Variants in ELAPOR2 observed in about 807,000 individuals in gnomAD.
ELAPOR2 encodes the protein endosome-lysosome associated apoptosis and autophagy regulator family member 2.
Under a neutral mutation model 120.7 loss-of-function variants are expected in ELAPOR2, and 89 were observed. The ratio of observed to expected loss-of-function variants is 0.74; its 90% confidence interval spans 0.62 to 0.88. The LOEUF (loss-of-function observed/expected upper bound fraction) is 0.88. ELAPOR2 is among the 40% of genes least tolerant of loss of function. ELAPOR2 has a pLI of 0.00. For missense variants in ELAPOR2, 1,134 were observed against 1,251.6 expected, an observed-to-expected ratio of 0.91 and a Z score of 1.42; for synonymous variants, 444 against 444.9, an observed-to-expected ratio of 1.00 and a Z score of 0.03.
intron 21 of ELAPOR2, among the ~76,000 whole-genome samples, chr7:86,881,750 C>CT (rs1799417332): frequency 6.6e-6 from 1 of 152,044 alleles, no homozygotes; most frequent in African/African-American, 2.4e-5. Context: ...TTTCTGAAGG[C>CT]TGCTGGAATG....
At chr7:87,001,476 T>C (rs1583976157) in intron 1 of ELAPOR2, among the ~76,000 whole-genome samples, 2 of 152,300 alleles carry the variant, frequency 1.3e-5, no homozygotes, top group Middle Eastern at 3.4e-3. Flanking sequence ...GCTCAGTTTC[T>C]GGCTGGAGAA....
intron 12 of ELAPOR2, among the ~76,000 whole-genome samples, chr7:86,915,267 AT>A (rs1475640767): frequency 6.6e-6 from 1 of 152,178 alleles, no homozygotes; most frequent in Non-Finnish European, 1.5e-5. Context: ...CAAATTTTTT[AT>A]CTTTTTCCTT....
chr7:86,894,253 T>C (rs1454197930), intron 19 of ELAPOR2, among the ~76,000 whole-genome samples: 2 of 152,120 alleles, frequency 1.3e-5, no homozygotes, highest in East Asian at 3.9e-4. Flanking sequence ...ACGTGTTTCC[T>C]AAACTTAGTG....
intron 1 of ELAPOR2, among the ~76,000 whole-genome samples, chr7:87,035,538 T>C (rs1480770419): frequency 3.3e-5 from 5 of 152,196 alleles, no homozygotes; most frequent in African/African-American, 1.2e-4. Flanking sequence ...TTTGGTTAGT[T>C]TCCCGTGACG....
intron 13 of ELAPOR2, among the ~76,000 whole-genome samples, chr7:86,913,715 T>C (rs966291863): frequency 1.3e-5 from 2 of 152,190 alleles, no homozygotes; most frequent in African/African-American, 4.8e-5. Flanking sequence ...CATTGAGTCT[T>C]CCTTTCCTTC....
In ELAPOR2 at chr7:86,919,447, T is replaced by C. The variant is rs1008827672; in HGVS notation, c.1400-137A>G. ...AGAAATGCTACAAATGAATTCCCTA[T>C]TTTTAATCACAGTCGCAAATTTCAT... On this transcript the variant is annotated intron_variant, in intron 10 of 21. Transcript: ENST00000450689. 5.4e-5 allele frequency: 28 copies of C among 523,220 alleles called. No individual in the cohort carries two copies. The Admixed American group carries it at 1.1e-3, about 20-fold the overall frequency. The allele number at this position is 523,220 out of a possible 1,614,324, so 32.4% of individuals were successfully genotyped here. A position where few individuals can be genotyped will look rare whatever the true frequency, so the allele number is the denominator to read the frequency against.
In ELAPOR2 at chr7:86,899,677, C is replaced by G. The variant is rs1420200431; in HGVS notation, c.2559-2045G>C. Among the ~76,000 whole-genome samples, 13 of 152,184 alleles carry G rather than the reference C, an allele frequency of 8.5e-5. No individual in the cohort carries two copies. The East Asian group carries it at 1.5e-3, about 18-fold the overall frequency. ...TAAAAATTGACTGCATTTTTACATG[C>G]CTATCTTTCCAAAGTGTCTGTAGAC... On this transcript the variant is annotated intron_variant, in intron 18 of 21. Coordinates refer to ENST00000450689, the MANE Select transcript of ELAPOR2 (RefSeq NM_001142749.3).
At chr7:87,039,184 A>T (rs1187986006) in intron 1 of ELAPOR2, among the ~76,000 whole-genome samples, 1 of 152,124 alleles carries the variant, frequency 6.6e-6, no homozygotes, top group Admixed American at 6.5e-5. Context: ...TAATTCCTAG[A>T]CTCATACAAC....
chr7:86,897,265 A>C (rs986804776), intron 19 of ELAPOR2, among the ~76,000 whole-genome samples: 1 of 152,118 alleles, frequency 6.6e-6, no homozygotes, highest in Non-Finnish European at 1.5e-5. Context: ...CATATAATCC[A>C]GGTAAATACT....
chr7:87,047,709 C>T (rs541178144), intron 1 of ELAPOR2, among the ~76,000 whole-genome samples: 9 of 152,288 alleles, frequency 5.9e-5, no homozygotes, highest in African/African-American at 2.2e-4. Flanking sequence ...GGGAGTACTT[C>T]TACACTGTTG....
At chr7:87,015,802 G>T (rs1793848351) in intron 1 of ELAPOR2, among the ~76,000 whole-genome samples, 1 of 152,112 alleles carries the variant, frequency 6.6e-6, no homozygotes, top group African/African-American at 2.4e-5. Context: ...TCCAGCCTGG[G>T]TGACAGAGCA....
chr7:87,006,015 C>T (rs1408225909), intron 1 of ELAPOR2, among the ~76,000 whole-genome samples: 1 of 152,104 alleles, frequency 6.6e-6, no homozygotes. Flanking sequence ...ATTCTGAAAA[C>T]ATACTTCTGG....
intron 10 of ELAPOR2, among the ~76,000 whole-genome samples, chr7:86,924,374 T>TAC (rs3057442): frequency 0.17 from 25,381 of 145,168 alleles, 2,374 homozygotes; most frequent in Non-Finnish European, 0.23. Context: ...AGTAAGTGAA[T>TAC]ACACACACAC....
chr7:87,002,321 G>A (rs1034244466), intron 1 of ELAPOR2, among the ~76,000 whole-genome samples: 4 of 152,160 alleles, frequency 2.6e-5, no homozygotes, highest in Admixed American at 2.0e-4. Flanking sequence ...CTCTGTTGAG[G>A]AGAGCAAGGA....
intron 1 of ELAPOR2, among the ~76,000 whole-genome samples, chr7:87,032,336 A>G (rs1794446801): frequency 6.6e-6 from 1 of 152,200 alleles, no homozygotes; most frequent in Non-Finnish European, 1.5e-5. Flanking sequence ...TAATATCTGT[A>G]AAACACTTAC....
chr7:87,049,376 G>T (rs1795040328), intron 1 of ELAPOR2, among the ~76,000 whole-genome samples: 1 of 152,038 alleles, frequency 6.6e-6, no homozygotes, highest in Non-Finnish European at 1.5e-5. Context: ...CCGCCTCCCG[G>T]GTTCACGCCA....
At chr7:87,004,513 T>A (rs1793412192) in intron 1 of ELAPOR2, among the ~76,000 whole-genome samples, 1 of 152,178 alleles carries the variant, frequency 6.6e-6, no homozygotes, top group African/African-American at 2.4e-5. Flanking sequence ...ACTCTAAGTG[T>A]CTTTGACAGG....
At position 86,879,428 on chromosome 7, in the gene ELAPOR2, A is replaced by G; in HGVS notation, c.*1043T>C. On this transcript the variant is annotated 3_prime_UTR_variant, in exon 22 of 22. Transcript: ENST00000450689. ...TTTTTCAAAACTGAATTCCTGCCTT[A>G]TTGGATTATTTTTTTAAAAAGTTTC... 6.6e-6 allele frequency: 1 copy of G among 152,176 alleles called. No individual in the cohort carries two copies. Among genetic ancestry groups the G allele is most frequent in the East Asian group, 1.9e-4 (1 of 5,198 alleles). The allele number at this position is 152,176 out of a possible 1,614,324, so 9.4% of individuals were successfully genotyped here. A position where few individuals can be genotyped will look rare whatever the true frequency, so the allele number is the denominator to read the frequency against.
rs192159934 is a variant in ELAPOR2, at chr7:86,961,917, C to T, written c.310+2987G>A. On this transcript the variant is annotated intron_variant, in intron 2 of 21. Transcript: ENST00000450689. ...GAGGAGGAGAGAGATGAGATCATCT[C>T]AGTGGCCTGCCCAGAGAAGCACTAA... Among the ~76,000 whole-genome samples, 685 of 152,296 alleles carry T rather than the reference C, an allele frequency of 4.5e-3. 15 individuals carry two copies. The highest frequency in any genetic ancestry group is 0.042 in the Admixed American group (637 of 15,290).
Sources: allele counts gnomAD v4.1 joint callset (sites outside exome capture counted in the v4.1 genomes callset), GRCh38; gene constraint gnomAD v4.1.1; transcripts MANE v1.5; gene names NCBI Gene and HGNC (gene_info 2026-07-23, HGNC 2026-07-21).